CDC42SE2: variants seen among roughly 807,000 people sequenced by gnomAD.
CDC42SE2 encodes the protein CDC42 small effector 2.
A neutral mutation model predicts 11.5 loss-of-function variants in CDC42SE2; 3 were observed. That is an observed-to-expected ratio of 0.26 (90% CI 0.12 to 0.67). The LOEUF (loss-of-function observed/expected upper bound fraction) is 0.67. Among genes scored for constraint, CDC42SE2 ranks in the 30% least tolerant of loss-of-function variants. The probability of loss-of-function intolerance (pLI) is 0.80; values close to 1 mark genes in which losing one functional copy is unlikely to be tolerated. For synonymous variants in CDC42SE2, 33 were observed against 34.8 expected (o/e 0.95, Z 0.18); for missense variants, 82 against 106.8 (o/e 0.77, Z 1.02).
At chr5:131,351,150 C>T (rs1370437463) in intron 2 of CDC42SE2, among the ~76,000 whole-genome samples, 1 of 151,902 alleles carries the variant, frequency 6.6e-6, no homozygotes, top group Non-Finnish European at 1.5e-5. Context: ...CTTTGCTGCC[C>T]AGTTGCCCAG....
At chr5:131,226,210 A>G in the CDC42SE2 span, among the ~76,000 whole-genome samples, 1 of 152,246 alleles carries the variant, frequency 6.6e-6, no homozygotes, top group Admixed American at 6.5e-5. Context: ...CTAATTGCTC[A>G]TGGTTGTCTC....
At chr5:131,305,298 A>G (rs896060549) in intron 1 of CDC42SE2, among the ~76,000 whole-genome samples, 1 of 152,224 alleles carries the variant, frequency 6.6e-6, no homozygotes, top group Non-Finnish European at 1.5e-5. Context: ...ACTTTAGACA[A>G]TGTAAATGTG....
intron 1 of CDC42SE2, among the ~76,000 whole-genome samples, chr5:131,307,106 T>C (rs1757794829): frequency 1.3e-5 from 2 of 152,010 alleles, no homozygotes; most frequent in African/African-American, 4.8e-5. Flanking sequence ...AGGGTACATG[T>C]GCACATTGTG....
chr5:131,251,838 C>T (rs974606782), intron 1 of CDC42SE2, among the ~76,000 whole-genome samples: 5 of 152,088 alleles, frequency 3.3e-5, no homozygotes, highest in African/African-American at 1.2e-4. Context: ...CATAGTGAGA[C>T]CTCGTCTCTA....
upstream of CDC42SE2, among the ~76,000 whole-genome samples, chr5:131,243,329 C>G (rs1300743868): frequency 6.6e-6 from 1 of 152,180 alleles, no homozygotes; most frequent in Admixed American, 6.5e-5. Flanking sequence ...CCTGTAATCC[C>G]AGCACTTTGG....
chr5:131,296,950 C>T (rs536771071), intron 1 of CDC42SE2, among the ~76,000 whole-genome samples: 100 of 152,112 alleles, frequency 6.6e-4, no homozygotes, highest in African/African-American at 2.3e-3. Flanking sequence ...CACTCCACCT[C>T]TCTTAATAAC....
At chr5:131,389,854 C>G (rs1330602550) in intron 4 of CDC42SE2, among the ~76,000 whole-genome samples, 1 of 152,176 alleles carries the variant, frequency 6.6e-6, no homozygotes, top group Non-Finnish European at 1.5e-5. Context: ...AGGCCATCAC[C>G]TCCAAAATCA....
intron 1 of CDC42SE2, among the ~76,000 whole-genome samples, chr5:131,274,685 G>T (rs1448256156): frequency 6.6e-6 from 1 of 152,104 alleles, no homozygotes; most frequent in Non-Finnish European, 1.5e-5. Context: ...ACCCTTCATC[G>T]TCTGTACGTC....
intron 2 of CDC42SE2, among the ~76,000 whole-genome samples, chr5:131,323,762 C>T (rs1172858093): frequency 6.6e-6 from 1 of 152,026 alleles, no homozygotes; most frequent in East Asian, 1.9e-4. Flanking sequence ...TTTTACTTTA[C>T]ATGAGAGGAT....
chr5:131,237,961 A>G, the CDC42SE2 span, among the ~76,000 whole-genome samples: 10 of 152,040 alleles, frequency 6.6e-5, no homozygotes, highest in East Asian at 3.8e-4. Flanking sequence ...CTTCTTTCAT[A>G]ATCTTTGGAA....
At chr5:131,338,425 C>T (rs182103274) in intron 2 of CDC42SE2, among the ~76,000 whole-genome samples, 21 of 152,248 alleles carry the variant, frequency 1.4e-4, no homozygotes, top group Middle Eastern at 3.4e-3. Flanking sequence ...GGAATCTAGG[C>T]GGCTAGTGTT....
the CDC42SE2 span, among the ~76,000 whole-genome samples, chr5:131,215,311 T>C: frequency 6.6e-6 from 1 of 152,180 alleles, no homozygotes; most frequent in South Asian, 2.1e-4. Context: ...ATTATTTTAA[T>C]TGCAAGTAAC....
upstream of CDC42SE2, among the ~76,000 whole-genome samples, chr5:131,243,385 C>G (rs1039463610): frequency 2.0e-5 from 3 of 152,166 alleles, no homozygotes; most frequent in African/African-American, 7.2e-5. Flanking sequence ...CGAGACCATC[C>G]TGGCTAAAGT....
intron 1 of CDC42SE2, among the ~76,000 whole-genome samples, chr5:131,302,168 C>T (rs6864145): frequency 0.77 from 115,275 of 150,588 alleles, 44,462 homozygotes; most frequent in African/African-American, 0.81. Flanking sequence ...CACTACTGCC[C>T]GGCTAAGTTT....
At chr5:131,388,562 C>T (rs926468987) in intron 4 of CDC42SE2, among the ~76,000 whole-genome samples, 1 of 152,108 alleles carries the variant, frequency 6.6e-6, no homozygotes, top group Non-Finnish European at 1.5e-5. Context: ...TCTACCTTTA[C>T]TTAGTGTAAA....
At chr5:131,386,618 T>C (rs1431310042) in intron 4 of CDC42SE2, among the ~76,000 whole-genome samples, 1 of 152,214 alleles carries the variant, frequency 6.6e-6, no homozygotes, top group Non-Finnish European at 1.5e-5. Flanking sequence ...CTTTTAGTCC[T>C]TAATTTTTGT....
the CDC42SE2 span, among the ~76,000 whole-genome samples, chr5:131,235,124 C>G: frequency 2.0e-5 from 3 of 151,856 alleles, no homozygotes; most frequent in Middle Eastern, 3.2e-3. Context: ...CTCCTGACCT[C>G]GTGATCTGCC....
chr5:131,339,527 C>T (rs2149751263), intron 2 of CDC42SE2, among the ~76,000 whole-genome samples: 1 of 152,094 alleles, frequency 6.6e-6, no homozygotes, highest in East Asian at 1.9e-4. Flanking sequence ...TATCATTTGG[C>T]CAAGCGCGGT....
At chr5:131,331,214 T>G (rs1053457151) in intron 2 of CDC42SE2, among the ~76,000 whole-genome samples, 10 of 152,166 alleles carry the variant, frequency 6.6e-5, no homozygotes, top group African/African-American at 2.4e-4. Context: ...AATGTCAAAT[T>G]CACGGAAATT....
Sources: allele counts gnomAD v4.1 joint callset (sites outside exome capture counted in the v4.1 genomes callset), GRCh38; gene constraint gnomAD v4.1.1; transcripts MANE v1.5; gene names NCBI Gene and HGNC (gene_info 2026-07-23, HGNC 2026-07-21).